Variants in MYRFL observed in about 807,000 individuals in gnomAD.
MYRFL encodes myelin regulatory factor like, also known as myelin regulatory factor-like protein.
A neutral mutation model predicts 109.4 loss-of-function variants in MYRFL; 88 were observed. The ratio of observed to expected loss-of-function variants is 0.80; its 90% CI spans 0.68 to 0.96. The LOEUF is 0.96. Ranked by LOEUF, MYRFL falls within the 40% of genes least tolerant of loss-of-function variation. The probability of loss-of-function intolerance (pLI) is 0.00; values close to 1 mark genes in which losing one functional copy is unlikely to be tolerated. For missense variants in MYRFL, 957 were observed against 954.9 expected, an observed-to-expected ratio of 1.00 and a Z score of -0.03; for synonymous variants, 324 against 320.9, an observed-to-expected ratio of 1.01 and a Z score of -0.10.
chr12:69,923,943 A>G (rs1954990540), intron 13 of MYRFL, among the ~76,000 whole-genome samples: 1 of 152,126 alleles, frequency 6.6e-6, no homozygotes, highest in African/African-American at 2.4e-5. Context: ...TAATCCCAGC[A>G]CTCTGGGATA....
intron 10 of MYRFL, among the ~76,000 whole-genome samples, chr12:69,899,744 A>G: frequency 6.6e-6 from 1 of 152,168 alleles, no homozygotes; most frequent in South Asian, 2.1e-4. Context: ...AGCTTGTCAG[A>G]ATTCTGCTTG....
At chr12:69,894,204 G>T (rs1430323943) in intron 8 of MYRFL, among the ~76,000 whole-genome samples, 3 of 151,714 alleles carry the variant, frequency 2.0e-5, no homozygotes, top group African/African-American at 7.3e-5. Context: ...CATCGTGTTG[G>T]CCAGGCTGGT....
At chr12:69,938,770 C>T (rs10128843) in intron 19 of MYRFL, among the ~76,000 whole-genome samples, 5,287 of 152,250 alleles carry the variant, frequency 0.035, 311 homozygotes, top group African/African-American at 0.12. Context: ...TCTGCATTTC[C>T]CTCTGAGGTA....
intron 1 of MYRFL, among the ~76,000 whole-genome samples, chr12:69,834,117 A>G (rs1218095604): frequency 6.6e-6 from 1 of 152,212 alleles, no homozygotes; most frequent in East Asian, 1.9e-4. Flanking sequence ...GTTAGGCAGC[A>G]GGCTATGCTC....
intron 19 of MYRFL, among the ~76,000 whole-genome samples, chr12:69,948,735 ACTC>A (rs1244122510): frequency 2.6e-5 from 4 of 152,120 alleles, no homozygotes; most frequent in African/African-American, 9.7e-5. Context: ...TTTTCTAGAA[ACTC>A]CTCATATATC....
chr12:69,831,096 T>C (rs1882603712), intron 1 of MYRFL, among the ~76,000 whole-genome samples: 1 of 152,188 alleles, frequency 6.6e-6, no homozygotes, highest in Non-Finnish European at 1.5e-5. Context: ...GTGTATCTTG[T>C]GTGCTTTTTA....
At chr12:69,946,798 A>G (rs530020958) in intron 19 of MYRFL, 1 of 152,358 alleles carries the variant, frequency 6.6e-6, no homozygotes, top group South Asian at 2.1e-4. Flanking sequence ...TTGAGTTTCT[A>G]GAAAAGTTGG....
intron 1 of MYRFL, among the ~76,000 whole-genome samples, chr12:69,838,117 C>G (rs1371435437): frequency 1.3e-5 from 2 of 152,136 alleles, no homozygotes; most frequent in Non-Finnish European, 2.9e-5. Flanking sequence ...CTCGGGAGGA[C>G]AGAAAGGCAT....
At chr12:69,846,019 T>C (rs1883509063) in intron 1 of MYRFL, among the ~76,000 whole-genome samples, 2 of 151,154 alleles carry the variant, frequency 1.3e-5, no homozygotes, top group South Asian at 4.2e-4. Flanking sequence ...CCAGCAAAAC[T>C]GGCTCTCCTC....
At chr12:69,921,647 C>A (rs1223692571) in intron 13 of MYRFL, among the ~76,000 whole-genome samples, 2 of 152,158 alleles carry the variant, frequency 1.3e-5, no homozygotes, top group Non-Finnish European at 2.9e-5. Context: ...TCAGAGCCAG[C>A]CATAATTATA....
At chr12:69,829,234 A>G (rs2136312497) in intron 1 of MYRFL, among the ~76,000 whole-genome samples, 1 of 152,094 alleles carries the variant, frequency 6.6e-6, no homozygotes, top group East Asian at 1.9e-4. Flanking sequence ...AAAAGCTTTG[A>G]ACATTTTCTG....
In MYRFL at chr12:69,936,415, C is replaced by T. The variant is rs1281186659; in HGVS notation, c.2045-38C>T. The T allele has an allele frequency of 2.6e-6, 4 of 1,530,518 alleles. No individual in the cohort carries two copies. In the South Asian group the frequency reaches 3.6e-5, roughly 14 times the overall value. 94.8% of individuals were successfully genotyped at this position (1,530,518 alleles called of 1,614,324 possible). A position where few individuals can be genotyped will look rare whatever the true frequency, so the allele number is the denominator to read the frequency against. ...GAAGAAACCAGCCTTTCAGGTTAAC[C>T]TTCTTGCTTCCCCTCCCCCCTGCCC... On this transcript the variant is annotated intron_variant, in intron 18 of 24. Transcript: ENST00000552032.
chr12:69,908,915 C>T (rs1261938562), intron 11 of MYRFL, among the ~76,000 whole-genome samples: 1 of 152,080 alleles, frequency 6.6e-6, no homozygotes, highest in Non-Finnish European at 1.5e-5. Flanking sequence ...TCCCACCCTC[C>T]ACCCTCCACC....
At chr12:69,853,136 G>A (rs936001057) in intron 1 of MYRFL, among the ~76,000 whole-genome samples, 88 of 150,874 alleles carry the variant, frequency 5.8e-4, no homozygotes, top group African/African-American at 7.8e-4. Flanking sequence ...TGGGCAGAGG[G>A]GCTCCTCACT....
intron 19 of MYRFL, among the ~76,000 whole-genome samples, chr12:69,945,761 G>A (rs1053581593): frequency 6.6e-6 from 1 of 151,748 alleles, no homozygotes. Context: ...GCCGAGGCGG[G>A]CGGATCACGA....
At chr12:69,841,692 A>C (rs1883252447) in intron 1 of MYRFL, among the ~76,000 whole-genome samples, 1 of 152,146 alleles carries the variant, frequency 6.6e-6, no homozygotes, top group African/African-American at 2.4e-5. Flanking sequence ...CGCTCTTAGA[A>C]GCTTTTCCTG....
chr12:69,877,793 C>T (rs954841531), intron 2 of MYRFL, among the ~76,000 whole-genome samples: 42 of 152,144 alleles, frequency 2.8e-4, no homozygotes, highest in African/African-American at 1.0e-3. Flanking sequence ...ACATACTAAA[C>T]TTGAAGCTTC....
intron 2 of MYRFL, among the ~76,000 whole-genome samples, chr12:69,877,400 A>C (rs1885756242): frequency 6.6e-6 from 1 of 152,112 alleles, no homozygotes; most frequent in Non-Finnish European, 1.5e-5. Flanking sequence ...GCAGAAGCTC[A>C]TGGTGACTCC....
At chr12:69,932,862 C>CGT (rs3970822) in intron 16 of MYRFL, among the ~76,000 whole-genome samples, 22,226 of 149,376 alleles carry the variant, frequency 0.15, 1,748 homozygotes, top group Middle Eastern at 0.2. Flanking sequence ...CTGTGCCTTT[C>CGT]GTGTGTGTGT....
Sources: allele counts gnomAD v4.1 joint callset (sites outside exome capture counted in the v4.1 genomes callset), GRCh38; gene constraint gnomAD v4.1.1; transcripts MANE v1.5; gene names NCBI Gene and HGNC (gene_info 2026-07-23, HGNC 2026-07-21).